Variants in FNBP1L observed in about 807,000 individuals in gnomAD.
FNBP1L encodes the protein formin-binding protein 1-like.
In FNBP1L, 36 loss-of-function variants were observed where a neutral mutation model predicts 91.2. The observed-to-expected ratio is 0.39, with a 90% confidence interval of 0.30 to 0.52. FNBP1L has a LOEUF of 0.52. FNBP1L is among the 20% of genes least tolerant of loss of function. The pLI is 0.66. For synonymous variants in FNBP1L, 242 were observed against 237.0 expected (o/e 1.02, Z -0.19); for missense variants, 571 against 732.1 (o/e 0.78, Z 2.54).
At chr1:93,533,479 A>AGG (rs962772604) in intron 8 of FNBP1L, among the ~76,000 whole-genome samples, 2 of 152,164 alleles carry the variant, frequency 1.3e-5, no homozygotes, top group Non-Finnish European at 2.9e-5. Flanking sequence ...AGGAGGAGGA[A>AGG]GGAGGGCATT....
At chr1:93,487,368 A>G (rs1210478739) in intron 1 of FNBP1L, among the ~76,000 whole-genome samples, 1 of 152,182 alleles carries the variant, frequency 6.6e-6, no homozygotes, top group Non-Finnish European at 1.5e-5. Context: ...GTGTAAGTCA[A>G]AGTGTTCAAA....
At chr1:93,454,239 A>G (rs1668583350) in intron 1 of FNBP1L, among the ~76,000 whole-genome samples, 1 of 152,146 alleles carries the variant, frequency 6.6e-6, no homozygotes, top group South Asian at 2.1e-4. Flanking sequence ...AATGTCTGAA[A>G]GTAGTGATGA....
chr1:93,549,489 GTCAC>G (rs1672339370), intron 15 of FNBP1L, 63 bp downstream of exon 15: 6 of 1,270,930 alleles, frequency 4.7e-6, no homozygotes, highest in Non-Finnish European at 6.3e-6. Context: ...TTTACATCAA[GTCAC>G]TCACTGTAGT....
intron 2 of FNBP1L, among the ~76,000 whole-genome samples, chr1:93,506,633 T>C (rs982342656): frequency 6.6e-5 from 10 of 152,220 alleles, no homozygotes; most frequent in African/African-American, 2.4e-4. Context: ...TGATCACCTC[T>C]TAAACAGTGA....
At chr1:93,449,382 G>A (rs1006049637) in intron 1 of FNBP1L, among the ~76,000 whole-genome samples, 1 of 152,166 alleles carries the variant, frequency 6.6e-6, no homozygotes, top group Non-Finnish European at 1.5e-5. Flanking sequence ...TATTCCACCT[G>A]TGCCTGTTTT....
At chr1:93,462,152 GT>G (rs1403456173) in intron 1 of FNBP1L, among the ~76,000 whole-genome samples, 1 of 152,134 alleles carries the variant, frequency 6.6e-6, no homozygotes, top group Non-Finnish European at 1.5e-5. Context: ...TATTTTGTGA[GT>G]AGAAGATTTC....
rs529609919 is a variant in FNBP1L, at chr1:93,523,710, T to A, written c.342+219T>A. On this transcript the variant is annotated intron_variant, in intron 4 of 16. Coordinates refer to ENST00000271234, the MANE Select transcript of FNBP1L (RefSeq NM_001164473.3). ...CTATGGGCCAGACCCAACCAACTGC[T>A]TGGTTTTGTTTGCTAGTTGCCACAG... is the stretch of plus-strand genomic sequence containing the variant. 7.9e-5 allele frequency among the ~76,000 whole-genome samples: 12 copies of A among 152,368 alleles called. No homozygotes were observed. In the South Asian group the frequency reaches 2.5e-3, roughly 32 times the overall value.
chr1:93,478,347 G>A (rs1570782609), intron 1 of FNBP1L, among the ~76,000 whole-genome samples: 1 of 152,200 alleles, frequency 6.6e-6, no homozygotes, highest in Non-Finnish European at 1.5e-5. Flanking sequence ...GAGGATGGCA[G>A]ACTCAGTGTA....
chr1:93,522,198 AT>A, intron 3 of FNBP1L, 63 bp downstream of exon 3: 1 of 744,708 alleles, frequency 1.3e-6, no homozygotes, highest in Non-Finnish European at 1.9e-6. Flanking sequence ...TATTTTTATT[AT>A]TTAGTAAGAT....
intron 2 of FNBP1L, among the ~76,000 whole-genome samples, chr1:93,500,328 C>T (rs1262495471): frequency 6.6e-6 from 1 of 152,186 alleles, no homozygotes; most frequent in Non-Finnish European, 1.5e-5. Context: ...TGTGCTCCCT[C>T]TTGTTCTTTT....
chr1:93,544,027 T>A, intron 11 of FNBP1L, 80 bp from the exon 12 acceptor site: 1 of 1,014,418 alleles, frequency 9.9e-7, no homozygotes, highest in Non-Finnish European at 1.4e-6. Flanking sequence ...TTGGTATGTA[T>A]TCTTATTTTA....
chr1:93,513,763 C>T (rs951605637), intron 2 of FNBP1L, among the ~76,000 whole-genome samples: 5 of 152,148 alleles, frequency 3.3e-5, no homozygotes, highest in South Asian at 2.1e-4. Flanking sequence ...ATTGATGGGA[C>T]GTATTTCAAA....
At chr1:93,544,320 T>C (rs895088257) in intron 12 of FNBP1L, 104 bp downstream of exon 12, 3 of 613,874 alleles carry the variant, frequency 4.9e-6, no homozygotes, top group African/African-American at 1.9e-5. Context: ...TATATCCTAA[T>C]TGAAATATCT....
intron 11 of FNBP1L, among the ~76,000 whole-genome samples, chr1:93,543,074 G>A (rs888894056): frequency 2.6e-5 from 4 of 152,094 alleles, no homozygotes; most frequent in Non-Finnish European, 4.4e-5. Flanking sequence ...GATTACAGGC[G>A]TGAGCCACTG....
At chr1:93,512,412 C>G (rs1223629111) in intron 2 of FNBP1L, among the ~76,000 whole-genome samples, 2 of 151,498 alleles carry the variant, frequency 1.3e-5, no homozygotes, top group African/African-American at 2.4e-5. Context: ...CAGCTCTGCA[C>G]CAAGCGGACC....
chr1:93,464,685 T>C (rs986175934), intron 1 of FNBP1L, among the ~76,000 whole-genome samples: 4 of 152,218 alleles, frequency 2.6e-5, no homozygotes, highest in African/African-American at 9.6e-5. Context: ...ATACTTTCAA[T>C]AGCAGTCTTT....
chr1:93,507,667 G>A (rs1448441847), intron 2 of FNBP1L, among the ~76,000 whole-genome samples: 2 of 152,034 alleles, frequency 1.3e-5, no homozygotes, highest in Admixed American at 6.5e-5. Context: ...ATTTATTTAT[G>A]AGACGGAGTT....
At chr1:93,470,225 G>T (rs987366903) in intron 1 of FNBP1L, among the ~76,000 whole-genome samples, 1 of 151,978 alleles carries the variant, frequency 6.6e-6, no homozygotes, top group Non-Finnish European at 1.5e-5. Flanking sequence ...CAAACTCCTG[G>T]GCTCAAGTGA....
At chr1:93,502,463 A>G (rs1050999395) in intron 2 of FNBP1L, among the ~76,000 whole-genome samples, 4 of 152,178 alleles carry the variant, frequency 2.6e-5, no homozygotes, top group African/African-American at 9.6e-5. Flanking sequence ...TTAGACCTCA[A>G]AGCTTTTGAG....
Sources: allele counts gnomAD v4.1 joint callset (sites outside exome capture counted in the v4.1 genomes callset), GRCh38; gene constraint gnomAD v4.1.1; transcripts MANE v1.5; gene names NCBI Gene and HGNC (gene_info 2026-07-23, HGNC 2026-07-21).